Variants in NDUFB3 observed in about 807,000 individuals in gnomAD.
NDUFB3 encodes the protein NADH:ubiquinone oxidoreductase subunit B3.
A neutral mutation model predicts 9.0 loss-of-function variants in NDUFB3; 7 were observed. The ratio of observed to expected loss-of-function variants is 0.78; its 90% CI spans 0.44 to 1.46. The LOEUF (loss-of-function observed/expected upper bound fraction) is 1.46. Ranked by LOEUF, NDUFB3 falls within the 40% of genes most tolerant of loss-of-function variation. NDUFB3 has a pLI of 0.01. For missense variants in NDUFB3, 93 were observed against 115.4 expected (o/e 0.81, Z 0.89); for synonymous variants, 29 against 38.5 (o/e 0.75, Z 0.91).
intron 2 of NDUFB3, 68 bp from the exon 3 acceptor site, chr2:201,085,391 T>G: frequency 8.1e-7 from 1 of 1,236,682 alleles, no homozygotes; most frequent in Non-Finnish European, 1.1e-6. Context: ...AAGATGAAAA[T>G]TAAATGTCTT....
intron 1 of NDUFB3, among the ~76,000 whole-genome samples, chr2:201,076,732 C>A (rs2047168426): frequency 1.3e-5 from 2 of 151,236 alleles, no homozygotes; most frequent in Non-Finnish European, 2.9e-5. Flanking sequence ...CGATTCTCAT[C>A]CCTCAGCCTC....
chr2:201,081,761 G>T (rs2047225526), intron 2 of NDUFB3, among the ~76,000 whole-genome samples: 1 of 150,736 alleles, frequency 6.6e-6, no homozygotes, highest in African/African-American at 2.4e-5. Flanking sequence ...CAATTCTCCT[G>T]CCTCAGCCTC....
At chr2:201,075,587 AG>A (rs2047155858) in intron 1 of NDUFB3, among the ~76,000 whole-genome samples, 1 of 150,868 alleles carries the variant, frequency 6.6e-6, no homozygotes, top group Non-Finnish European at 1.5e-5. Flanking sequence ...AAAAAAAAAA[AG>A]GTATATTTAG....
At position 201,085,700 on chromosome 2, in the gene NDUFB3, C is replaced by G; in HGVS notation, c.*85C>G. ...TGTAGCCTACTTGTCTGGTTTATCCCTTACAGAATATTAGTAAGATTTAAT... is the reference window on the plus strand; with the variant it reads ...TGTAGCCTACTTGTCTGGTTTATCCGTTACAGAATATTAGTAAGATTTAAT... On this transcript the variant is annotated 3_prime_UTR_variant, in exon 3 of 3. Coordinates refer to ENST00000237889, the MANE Select transcript of NDUFB3 (RefSeq NM_002491.3). 1 of 1,129,366 alleles carries G rather than the reference C, an allele frequency of 8.9e-7. No homozygotes were observed. The highest frequency in any genetic ancestry group is 1.8e-5 in the South Asian group (1 of 54,230). 70.0% of individuals were successfully genotyped at this position (1,129,366 alleles called of 1,614,324 possible). A position where few individuals can be genotyped will look rare whatever the true frequency, so the allele number is the denominator to read the frequency against.
chr2:201,078,831 G>A, intron 1 of NDUFB3, 50 bp from the exon 2 acceptor site: 2 of 1,525,468 alleles, frequency 1.3e-6, no homozygotes, highest in Admixed American at 2.1e-5. Flanking sequence ...TTGGGTATTT[G>A]ATATCTACAA....
In NDUFB3 at chr2:201,085,479, T is replaced by C; in HGVS notation, c.161T>C (p.Met54Thr). 6.2e-7 allele frequency: 1 copy of C among 1,606,880 alleles called. No individual in the cohort carries two copies. The highest frequency in any genetic ancestry group is 8.5e-7 in the Non-Finnish European group (1 of 1,176,768). ...TCTAGCAATGAAGCTTGGAGATACA[T>C]GGGTGGCTTTGCAAAGAGTGTTTCC... ...PWGRNEAWRY[M>T]GGFAKSVSFS... Residue 54 changes from methionine to threonine, a missense_variant, in exon 3 of 3, where the codon ATG becomes ACG. Coordinates refer to ENST00000237889, the MANE Select transcript of NDUFB3 (RefSeq NM_002491.3).
rs1387471953 is a variant in NDUFB3, at chr2:201,085,626, T to C, written c.*11T>C. 2.5e-6 allele frequency: 4 copies of C among 1,606,606 alleles called. No individual in the cohort carries two copies. Among genetic ancestry groups the C allele is most frequent in the African/African-American group, 1.3e-5 (1 of 74,518 alleles). ...AAGAAGCATCACTGAAGATAATACC[T>C]GGAAGCATCATAGTGGTTTCTTAAC... On this transcript the variant is annotated 3_prime_UTR_variant, in exon 3 of 3. Coordinates refer to ENST00000237889, the MANE Select transcript of NDUFB3 (RefSeq NM_002491.3).
intron 2 of NDUFB3, among the ~76,000 whole-genome samples, chr2:201,082,992 C>A (rs2047246391): frequency 1.3e-5 from 2 of 152,106 alleles, no homozygotes; most frequent in Non-Finnish European, 2.9e-5. Flanking sequence ...GGATTACAGG[C>A]GTGAGCCACC....
chr2:201,082,956 A>G (rs892394225), intron 2 of NDUFB3, among the ~76,000 whole-genome samples: 1 of 144,096 alleles, frequency 6.9e-6, no homozygotes, highest in South Asian at 2.2e-4. Flanking sequence ...CTCATGATCC[A>G]CCCGCCTCGG....
intron 1 of NDUFB3, among the ~76,000 whole-genome samples, chr2:201,078,594 CTATTAT>C (rs1575544132): frequency 6.6e-6 from 1 of 152,168 alleles, no homozygotes; most frequent in East Asian, 1.9e-4. Context: ...CAAATGTTTA[CTATTAT>C]TATAATGAAG....
chr2:201,072,778 C>T (rs1575539818), intron 1 of NDUFB3, among the ~76,000 whole-genome samples: 3 of 152,130 alleles, frequency 2.0e-5, no homozygotes, highest in East Asian at 3.9e-4. Flanking sequence ...GTGTATAAAA[C>T]ATACATTTTA....
chr2:201,072,821 G>A (rs1305200986), intron 1 of NDUFB3, among the ~76,000 whole-genome samples: 1 of 152,102 alleles, frequency 6.6e-6, no homozygotes, highest in African/African-American at 2.4e-5. Context: ...AGACACTCCT[G>A]TATCCACCTC....
chr2:201,081,941 G>A (rs1306750779), intron 2 of NDUFB3, among the ~76,000 whole-genome samples: 5 of 151,006 alleles, frequency 3.3e-5, no homozygotes, highest in African/African-American at 9.8e-5. Context: ...TCAGCCTCCC[G>A]AGTAGCTGGG....
At chr2:201,075,093 C>A (rs1161374177) in intron 1 of NDUFB3, among the ~76,000 whole-genome samples, 1 of 150,544 alleles carries the variant, frequency 6.6e-6, no homozygotes, top group Non-Finnish European at 1.5e-5. Context: ...CGCCTGTAGT[C>A]CCAATATTTT....
At chr2:201,079,822 T>C (rs1339425205) in intron 2 of NDUFB3, 1 of 152,216 alleles carries the variant, frequency 6.6e-6, no homozygotes, top group Non-Finnish European at 1.5e-5. Context: ...GTAAGTCCTT[T>C]ATCAGATAAA....
At chr2:201,076,786 C>G (rs2047169124) in intron 1 of NDUFB3, among the ~76,000 whole-genome samples, 2 of 151,900 alleles carry the variant, frequency 1.3e-5, no homozygotes, top group African/African-American at 2.4e-5. Flanking sequence ...AATTACCTCT[C>G]TCTTCTGAGA....
At chr2:201,076,848 C>G (rs774206457) in intron 1 of NDUFB3, among the ~76,000 whole-genome samples, 9 of 152,150 alleles carry the variant, frequency 5.9e-5, no homozygotes, top group Non-Finnish European at 1.3e-4. Context: ...CGCCTGTAAT[C>G]CCAGCACTTT....
chr2:201,079,067 C>A, intron 2 of NDUFB3, 45 bp downstream of exon 2: 1 of 1,558,614 alleles, frequency 6.4e-7, no homozygotes, highest in South Asian at 1.2e-5. Context: ...CCTAGAGAAT[C>A]AAGTGTCTAT....
intron 1 of NDUFB3, among the ~76,000 whole-genome samples, chr2:201,076,094 C>T (rs2047159717): frequency 6.6e-6 from 1 of 151,974 alleles, no homozygotes; most frequent in Non-Finnish European, 1.5e-5. Context: ...TAATTTTTTT[C>T]CTTCATTTTA....
Sources: gnomAD v4.1 joint callset for allele counts (sites outside exome capture counted in the v4.1 genomes callset) on GRCh38, gnomAD v4.1.1 for gene constraint, MANE v1.5 for transcripts, NCBI Gene and HGNC (gene_info 2026-07-23, HGNC 2026-07-21) for gene names.